The following DCLK1 variants were observed in gnomAD, a reference collection of about 807,000 sequenced individuals.
The protein encoded by DCLK1 is doublecortin like kinase 1, also known as serine/threonine-protein kinase DCLK1.
DCLK1 carries 16 observed loss-of-function variants against 86.2 expected under a neutral mutation model. That is an observed-to-expected ratio of 0.19 (90% CI 0.13 to 0.28). The LOEUF is 0.28. Ranked by LOEUF, DCLK1 falls within the 10% of genes least tolerant of loss-of-function variation. The pLI is 1.00. For missense variants in DCLK1, 590 were observed against 940.2 expected (o/e 0.63, Z 4.87); for synonymous variants, 369 against 370.5 (o/e 1.00, Z 0.05).
intron 11 of DCLK1, among the ~76,000 whole-genome samples, chr13:35,817,154 A>G (rs1271599200): frequency 6.6e-6 from 1 of 152,190 alleles, no homozygotes; most frequent in African/African-American, 2.4e-5. Context: ...TTAGACAAAC[A>G]CAGACCCACC....
chr13:35,910,198 A>G (rs765235655), intron 4 of DCLK1, among the ~76,000 whole-genome samples: 2 of 152,248 alleles, frequency 1.3e-5, no homozygotes, highest in Admixed American at 6.5e-5. Flanking sequence ...TAAAAATTAC[A>G]TGCTTTTGAA....
At chr13:35,828,931 G>A (rs991221385) in intron 8 of DCLK1, among the ~76,000 whole-genome samples, 1 of 152,262 alleles carries the variant, frequency 6.6e-6, no homozygotes, top group African/African-American at 2.4e-5. Flanking sequence ...TTCAGTGTGA[G>A]AGCCTGTGTG....
At chr13:35,801,960 A>C (rs1364157814) in intron 15 of DCLK1, among the ~76,000 whole-genome samples, 1 of 152,048 alleles carries the variant, frequency 6.6e-6, no homozygotes, top group Non-Finnish European at 1.5e-5. Context: ...GCTGGAACTG[A>C]CTGTCAGATA....
rs142727619 is a variant in DCLK1 at position 35,853,380 on chromosome 13, C to T, written c.1035+1119G>A. Among the ~76,000 whole-genome samples the T allele has an allele frequency of 9.7e-3, 1,470 of 152,254 alleles. 15 individuals carry two copies. The highest frequency in any genetic ancestry group is 0.036 in the South Asian group (173 of 4,820). On this transcript the variant is annotated intron_variant, in intron 6 of 16. Coordinates refer to ENST00000360631, the MANE Select transcript of DCLK1 (RefSeq NM_001330071.2). ...GTCAAATCCCAGGCTTCATCAAACG[C>T]TCAAAACAAGTTCCACCTGATGCCA... is the stretch of plus-strand genomic sequence containing the variant.
chr13:35,777,537 T>C (rs760481549), intron 16 of DCLK1, among the ~76,000 whole-genome samples: 3 of 152,190 alleles, frequency 2.0e-5, no homozygotes, highest in Non-Finnish European at 2.9e-5. Context: ...GGAAAGACAT[T>C]GGCCACAGGT....
At chr13:35,780,531 G>T (rs2086507217) in intron 16 of DCLK1, among the ~76,000 whole-genome samples, 1 of 152,314 alleles carries the variant, frequency 6.6e-6, no homozygotes, top group Admixed American at 6.5e-5. Flanking sequence ...CTCTAACCTA[G>T]TTACTTCAGA....
intron 6 of DCLK1, chr13:35,850,886 C>G (rs1870575599): frequency 1.1e-6 from 1 of 889,988 alleles, no homozygotes; most frequent in South Asian, 4.0e-5. Context: ...TATTATTAGA[C>G]CTTTTCAAGT....
At chr13:36,028,155 C>T (rs1287871664) in intron 3 of DCLK1, among the ~76,000 whole-genome samples, 1 of 152,152 alleles carries the variant, frequency 6.6e-6, no homozygotes, top group Non-Finnish European at 1.5e-5. Context: ...ATGTAATATG[C>T]ATTTCTTGTG....
chr13:35,867,055 G>A (rs1871848094), intron 5 of DCLK1, among the ~76,000 whole-genome samples: 1 of 152,178 alleles, frequency 6.6e-6, no homozygotes. Flanking sequence ...GGGAAAGGAG[G>A]TGGTCCTGAG....
intron 5 of DCLK1, among the ~76,000 whole-genome samples, chr13:35,857,599 T>G (rs1342968215): frequency 6.6e-6 from 1 of 152,254 alleles, no homozygotes; most frequent in African/African-American, 2.4e-5. Flanking sequence ...CGCATCTCCT[T>G]TGCTGTGTGT....
intron 3 of DCLK1, among the ~76,000 whole-genome samples, chr13:35,956,244 G>A (rs1203560567): frequency 2.0e-5 from 3 of 152,154 alleles, no homozygotes; most frequent in African/African-American, 7.2e-5. Flanking sequence ...GATTAAGGGT[G>A]ACCAAGCCCA....
rs35613029 is a variant in DCLK1, at chr13:35,940,291, CAA to C, written c.823+7065_823+7066del. On this transcript the variant is annotated intron_variant, in intron 4 of 16. Coordinates refer to ENST00000360631, the MANE Select transcript of DCLK1 (RefSeq NM_001330071.2). ...TGGGTGACACAGCAAGAGTCCGTCT[CAA>C]AAAAAAAAAAAAATAAGTTAGTATG... is the stretch of plus-strand genomic sequence containing the variant. Among the ~76,000 whole-genome samples the C allele has an allele frequency of 5.3e-3, 648 of 123,174 alleles. 7 individuals carry two copies. Among genetic ancestry groups the C allele is most frequent in the African/African-American group, 0.016 (549 of 34,418 alleles). 80.8% of individuals were successfully genotyped at this position (123,174 alleles called of 152,430 possible). A position where few individuals can be genotyped will look rare whatever the true frequency, so the allele number is the denominator to read the frequency against.
intron 3 of DCLK1, among the ~76,000 whole-genome samples, chr13:36,035,312 C>T (rs1795177018): frequency 6.6e-6 from 1 of 152,084 alleles, no homozygotes; most frequent in African/African-American, 2.4e-5. Context: ...TTTATGTCTG[C>T]CTTGACCCTC....
At chr13:35,918,711 G>A in intron 4 of DCLK1, among the ~76,000 whole-genome samples, 1 of 152,016 alleles carries the variant, frequency 6.6e-6, no homozygotes, top group Non-Finnish European at 1.5e-5. Flanking sequence ...TATTGGCAAA[G>A]AAAAATGGGC....
At chr13:36,043,916 T>C (rs1219538483) in intron 3 of DCLK1, among the ~76,000 whole-genome samples, 1 of 152,066 alleles carries the variant, frequency 6.6e-6, no homozygotes, top group African/African-American at 2.4e-5. Flanking sequence ...AACTAGAAAG[T>C]AGTAAAAGCC....
chr13:36,039,375 A>G (rs1386770764), intron 3 of DCLK1, among the ~76,000 whole-genome samples: 1 of 152,204 alleles, frequency 6.6e-6, no homozygotes, highest in Non-Finnish European at 1.5e-5. Context: ...AGCTGCAGGC[A>G]ATTCTGGCTG....
intron 3 of DCLK1, among the ~76,000 whole-genome samples, chr13:36,038,441 T>C (rs1882585870): frequency 6.6e-6 from 1 of 152,072 alleles, no homozygotes; most frequent in Non-Finnish European, 1.5e-5. Context: ...GAAAGAGAAG[T>C]GAGAGATGGA....
intron 3 of DCLK1, among the ~76,000 whole-genome samples, chr13:35,991,066 A>C (rs1238101707): frequency 1.3e-5 from 2 of 152,066 alleles, no homozygotes; most frequent in Non-Finnish European, 2.9e-5. Context: ...ATTTGAGAAA[A>C]AGCAGAAATG....
intron 3 of DCLK1, among the ~76,000 whole-genome samples, chr13:36,057,939 C>T (rs1363189337): frequency 1.3e-5 from 2 of 152,130 alleles, no homozygotes; most frequent in Non-Finnish European, 2.9e-5. Context: ...CTTCTGCCCT[C>T]AAAATGCTTA....
Sources: gnomAD v4.1 joint callset for allele counts (sites outside exome capture counted in the v4.1 genomes callset) on GRCh38, gnomAD v4.1.1 for gene constraint, MANE v1.5 for transcripts, NCBI Gene and HGNC (gene_info 2026-07-23, HGNC 2026-07-21) for gene names.